The following AMMECR1 variants were observed in gnomAD, a reference collection of about 807,000 sequenced individuals.
The protein encoded by AMMECR1 is nuclear protein AMMECR1.
Under a neutral mutation model 22.5 loss-of-function variants are expected in AMMECR1, and 3 were observed. The ratio of observed to expected loss-of-function variants is 0.13; its 90% CI spans 0.06 to 0.35. The LOEUF (loss-of-function observed/expected upper bound fraction) is 0.35, where lower values mean the gene tolerates loss of function less well. Among genes scored for constraint, AMMECR1 ranks in the 10% least tolerant of loss-of-function variants. The pLI is 1.00. For synonymous variants in AMMECR1, 130 were observed against 116.7 expected (o/e 1.11, Z -0.74); for missense variants, 235 against 278.7 (o/e 0.84, Z 1.12).
intron 2 of AMMECR1, among the ~76,000 whole-genome samples, chrX:110,379,711 T>A (rs1367906295): frequency 8.9e-6 from 1 of 111,756 alleles, no homozygotes; most frequent in African/African-American, 3.3e-5. Context: ...CAATGGTAAA[T>A]GGGGAAGCAA....
At position 110,423,827 on chromosome X, in the gene AMMECR1, G is replaced by A. The variant is rs748879838; in HGVS notation, c.-148+2831C>T. On this transcript the variant is annotated intron_variant, in intron 2 of 7. Coordinates refer to the AMMECR1 transcript ENST00000372057. ...CACAATTTTTTCCAGTTCTTCCGAC[G>A]TTAGGTGTTGCATGGTAAGAAACAG... Among the ~76,000 whole-genome samples, 16 of 112,292 alleles carry A rather than the reference G, an allele frequency of 1.4e-4. No individual in the cohort carries two copies. The East Asian group carries it at 4.2e-3, about 29-fold the overall frequency.
At chrX:110,317,453 C>A (rs2068054456) in intron 1 of AMMECR1, 146 bp downstream of exon 1, 1 of 983,385 alleles carries the variant, frequency 1.0e-6, no homozygotes, top group East Asian at 3.6e-5. Flanking sequence ...GCGCAGGGTG[C>A]CCTTAGTTCA....
chrX:110,385,087 C>A (rs2068445840), intron 2 of AMMECR1, among the ~76,000 whole-genome samples: 1 of 111,327 alleles, frequency 9.0e-6, no homozygotes, highest in African/African-American at 3.3e-5. Context: ...AAGAACATAA[C>A]ATTCTAGATC....
intron 2 of AMMECR1, among the ~76,000 whole-genome samples, chrX:110,249,256 C>T (rs1387237818): frequency 3.7e-5 from 4 of 109,543 alleles, no homozygotes; most frequent in Non-Finnish European, 7.6e-5. Context: ...AAGTGGACAC[C>T]AGGGAATACC....
chrX:110,320,693 A>G (rs2068075456), upstream of AMMECR1, among the ~76,000 whole-genome samples: 1 of 112,574 alleles, frequency 8.9e-6, no homozygotes, highest in Non-Finnish European at 1.9e-5. Context: ...TGCAATGGGA[A>G]AACCCAAAGA....
intron 1 of AMMECR1, among the ~76,000 whole-genome samples, chrX:110,265,539 C>T (rs1366406074): frequency 1.8e-5 from 2 of 111,585 alleles, no homozygotes; most frequent in African/African-American, 6.5e-5. Context: ...TACTGACAGC[C>T]TCAATTAATG....
chrX:110,317,826 C>G lies in AMMECR1; in HGVS notation c.246G>C (p.Gly82=). 1 of 1,153,939 alleles carries G rather than the reference C, an allele frequency of 8.7e-7. No homozygotes were observed. Among genetic ancestry groups the G allele is most frequent in the South Asian group, 2.0e-5 (1 of 49,264 alleles). The change falls in exon 1 of 6, where the codon GGG becomes GGC. Residue 82 remains glycine, a synonymous_variant. Transcript: ENST00000262844. ...PPQGCGGGGG[G]IALSPPPSCG... is the part of the protein sequence containing the mutation. The stretch of plus-strand genomic sequence containing the variant: ...AGCTCGGAGGTGGCGACAGGGCGAT[C>G]CCCCCGCCGCCGCCGCCGCAGCCCT...
intron 1 of AMMECR1, among the ~76,000 whole-genome samples, chrX:110,438,445 A>C (rs900874173): frequency 9.0e-6 from 1 of 110,952 alleles, no homozygotes; most frequent in Non-Finnish European, 1.9e-5. Flanking sequence ...ATCTGCCCCC[A>C]CCCCAGCACT....
intron 1 of AMMECR1, among the ~76,000 whole-genome samples, chrX:110,431,033 C>A (rs971717356): frequency 1.5e-4 from 17 of 112,081 alleles, no homozygotes; most frequent in African/African-American, 5.2e-4. Context: ...CTGAGGCTGT[C>A]AGGAACCAAG....
chrX:110,303,712 G>A (rs1460510622), intron 1 of AMMECR1, among the ~76,000 whole-genome samples: 4 of 111,668 alleles, frequency 3.6e-5, no homozygotes, highest in Admixed American at 9.5e-5. Flanking sequence ...TTGCAGATTC[G>A]ACTATGATAG....
Position 110,264,476 on chromosome X carries a change from A to C in AMMECR1, c.584+13T>G. The C allele has an allele frequency of 9.1e-7, 1 of 1,098,212 alleles. No individual in the cohort carries two copies. The highest frequency in any genetic ancestry group is 1.2e-6 in the Non-Finnish European group (1 of 811,974). The allele number at this position is 1,098,212 out of a possible 1,213,427, so 90.5% of individuals were successfully genotyped here. A position where few individuals can be genotyped will look rare whatever the true frequency, so the allele number is the denominator to read the frequency against. On this transcript the variant is annotated intron_variant, in intron 2 of 5. Coordinates refer to ENST00000262844, the MANE Select transcript of AMMECR1 (RefSeq NM_015365.3). ...TTAATGTAAAAGCAGAGGTAACAAA[A>C]ATTGGTCTTCACCTGGTAAGTGTGT... is the stretch of plus-strand genomic sequence containing the variant.
At chrX:110,203,111 TAA>T (rs984955917) in intron 3 of AMMECR1, among the ~76,000 whole-genome samples, 6 of 112,250 alleles carry the variant, frequency 5.3e-5, no homozygotes, top group African/African-American at 1.9e-4. Context: ...AGCATTTCTT[TAA>T]AAATGCATTA....
intron 2 of AMMECR1, among the ~76,000 whole-genome samples, chrX:110,403,650 C>G (rs1209126564): frequency 8.9e-6 from 1 of 112,037 alleles, no homozygotes; most frequent in Non-Finnish European, 1.9e-5. Context: ...TCATAGCTAT[C>G]ATTCCAAAAC....
chrX:110,314,221 T>C (rs1252413436), intron 1 of AMMECR1, among the ~76,000 whole-genome samples: 1 of 111,881 alleles, frequency 8.9e-6, no homozygotes, highest in African/African-American at 3.2e-5. Flanking sequence ...AGAGCCTATA[T>C]TTGTAATGAT....
intron 2 of AMMECR1, among the ~76,000 whole-genome samples, chrX:110,243,955 G>A (rs73540298): frequency 9.0e-6 from 1 of 111,134 alleles, no homozygotes; most frequent in Non-Finnish European, 1.9e-5. Context: ...GATAATCTAG[G>A]ATTAATTAAA....
intron 2 of AMMECR1, among the ~76,000 whole-genome samples, chrX:110,218,887 A>G (rs2067487180): frequency 9.0e-6 from 1 of 111,729 alleles, no homozygotes; most frequent in East Asian, 2.8e-4. Context: ...TATAAATGAA[A>G]TCATACAATA....
At chrX:110,344,097 T>C (rs2068177366) in intron 2 of AMMECR1, among the ~76,000 whole-genome samples, 1 of 111,610 alleles carries the variant, frequency 9.0e-6, no homozygotes, top group African/African-American at 3.3e-5. Flanking sequence ...CAAACTATAC[T>C]ACAAGGCTAC....
chrX:110,240,004 T>C (rs759383321), intron 2 of AMMECR1, among the ~76,000 whole-genome samples: 1 of 111,166 alleles, frequency 9.0e-6, no homozygotes, highest in Admixed American at 9.6e-5. Flanking sequence ...GACAAGCAAA[T>C]GCTGAGAGAT....
At chrX:110,433,466 G>T (rs2068813585) in intron 1 of AMMECR1, among the ~76,000 whole-genome samples, 1 of 111,657 alleles carries the variant, frequency 9.0e-6, no homozygotes, top group Admixed American at 9.5e-5. Context: ...ACTAGGAAGG[G>T]TAATGAGGAA....
Sources: gnomAD v4.1 joint callset for allele counts (sites outside exome capture counted in the v4.1 genomes callset) on GRCh38, gnomAD v4.1.1 for gene constraint, MANE v1.5 for transcripts, NCBI Gene and HGNC (gene_info 2026-07-23, HGNC 2026-07-21) for gene names.